Variants in SPIRE2 observed in about 807,000 individuals in gnomAD.
The protein encoded by SPIRE2 is spire type actin nucleation factor 2, also known as protein spire homolog 2.
SPIRE2 carries 76 observed loss-of-function variants against 80.7 expected under a neutral mutation model. That is an observed-to-expected ratio of 0.94 (90% CI 0.78 to 1.14). SPIRE2 has a LOEUF of 1.14. Ranked by LOEUF, SPIRE2 falls within the 50% of genes most tolerant of loss-of-function variation. The pLI is 0.00. For synonymous variants in SPIRE2, 535 were observed against 432.6 expected, an observed-to-expected ratio of 1.24 and a Z score of -2.94; for missense variants, 1,196 against 1,015.3, an observed-to-expected ratio of 1.18 and a Z score of -2.42.
rs759081349 is a variant in SPIRE2 at position 89,854,483 on chromosome 16, C to A, written c.727-4C>A. 1.2e-6 allele frequency: 2 copies of A among 1,611,902 alleles called. No homozygotes were observed. The highest frequency in any genetic ancestry group is 1.7e-6 in the Non-Finnish European group (2 of 1,179,418). On this transcript the variant is annotated splice_polypyrimidine_tract_variant and splice_region_variant and intron_variant, in intron 4 of 14. Coordinates refer to ENST00000378247, the MANE Select transcript of SPIRE2 (RefSeq NM_032451.2). ...GAGACCCATTCTCTTCCCCTGGGGC[C>A]CAGGCCCGACTGTGGGTTCAGCTCA... is the stretch of plus-strand genomic sequence containing the variant.
chr16:89,830,611 A>G (rs2041369957), intron 1 of SPIRE2, among the ~76,000 whole-genome samples: 1 of 151,060 alleles, frequency 6.6e-6, no homozygotes, highest in South Asian at 2.1e-4. Flanking sequence ...CAATAGGAAA[A>G]CATCCAATCT....
chr16:89,853,656 G>T (rs900226705), intron 3 of SPIRE2, among the ~76,000 whole-genome samples: 2 of 152,090 alleles, frequency 1.3e-5, no homozygotes, highest in Admixed American at 6.6e-5. Context: ...CAAAGGGTAG[G>T]TGCTTCTCTA....
At chr16:89,861,333 G>T (rs890536249) in intron 10 of SPIRE2, among the ~76,000 whole-genome samples, 8 of 152,252 alleles carry the variant, frequency 5.3e-5, no homozygotes, top group Non-Finnish European at 1.2e-4. Context: ...GCATGCAGGT[G>T]TTGGAGGGAT....
chr16:89,848,932 G>A (rs367830141), intron 2 of SPIRE2, among the ~76,000 whole-genome samples: 9 of 135,430 alleles, frequency 6.6e-5, no homozygotes, highest in South Asian at 2.3e-4. Context: ...CAGTGTTTCT[G>A]CAGGACAGAC....
intron 1 of SPIRE2, among the ~76,000 whole-genome samples, chr16:89,834,593 T>G (rs1281488134): frequency 3.7e-5 from 4 of 109,278 alleles, no homozygotes; most frequent in South Asian, 3.6e-4. Context: ...GCATAGCCCG[T>G]GTGAATCTGT....
At chr16:89,855,501 C>G (rs536182394) in intron 5 of SPIRE2, 99 bp from the exon 6 acceptor site, 1 of 1,050,872 alleles carries the variant, frequency 9.5e-7, no homozygotes, top group Non-Finnish European at 1.4e-6. Flanking sequence ...CGGGTAGGTG[C>G]GAAGACCAGG....
At chr16:89,859,492 G>A (rs948431414) in intron 9 of SPIRE2, 138 bp downstream of exon 9, 6 of 416,834 alleles carry the variant, frequency 1.4e-5, no homozygotes, top group South Asian at 1.1e-4. Flanking sequence ...CCTGCAAGAC[G>A]GCACCACCTC....
chr16:89,828,515 C>G lies in SPIRE2; in HGVS notation c.-36C>G, dbSNP rs1278059654. ...GGCGGAAGGCGCGGCTGCATGGACG[C>G]GGGTCCGGCGCGCGGGAGGCGATGA... On this transcript the variant is annotated 5_prime_UTR_variant, in exon 1 of 15. Coordinates refer to ENST00000378247, the MANE Select transcript of SPIRE2 (RefSeq NM_032451.2). The surrounding 1 kb of genome is among the most constrained non-coding windows in gnomAD (Gnocchi z 5.9). 11 of 1,025,538 alleles carry G rather than the reference C, an allele frequency of 1.1e-5. No homozygotes were observed. Among genetic ancestry groups the G allele is most frequent in the Non-Finnish European group, 1.3e-5 (11 of 858,052 alleles). The allele number at this position is 1,025,538 out of a possible 1,614,324, so 63.5% of individuals were successfully genotyped here. A position where few individuals can be genotyped will look rare whatever the true frequency, so the allele number is the denominator to read the frequency against.
intron 1 of SPIRE2, among the ~76,000 whole-genome samples, chr16:89,841,899 T>G (rs1179246465): frequency 6.6e-6 from 1 of 151,926 alleles, no homozygotes; most frequent in East Asian, 1.9e-4. Context: ...CGGCTAATTT[T>G]GTATTTTTAG....
In SPIRE2 at chr16:89,842,208, A is replaced by ATTTTTTTTTTTTTTTTTTTTTTT. The variant is rs71137682; in HGVS notation, c.245-3092_245-3091insTTTTTTTTTTTTTTTTTTTTTTT. On this transcript the variant is annotated intron_variant, in intron 1 of 14. Coordinates refer to ENST00000378247, the MANE Select transcript of SPIRE2 (RefSeq NM_032451.2). ...ATACAATTAGATTCATGAACACGTA[A>ATTTTTTTTTTTTTTTTTTTTTTT]TTTTTTTTTTTTTTTTTTTTTTGTG... Among the ~76,000 whole-genome samples the ATTTTTTTTTTTTTTTTTTTTTTT allele has an allele frequency of 2.3e-4, 19 of 81,312 alleles. 4 individuals are homozygous for ATTTTTTTTTTTTTTTTTTTTTTT. The highest frequency in any genetic ancestry group is 1.9e-3 in the East Asian group (3 of 1,568). 53.3% of individuals were successfully genotyped at this position (81,312 alleles called of 152,430 possible).
chr16:89,845,286 T>C, intron 1 of SPIRE2, 36 bp from the exon 2 acceptor site: 6 of 1,609,562 alleles, frequency 3.7e-6, no homozygotes, highest in Non-Finnish European at 5.1e-6. Context: ...GTCCCGGGGA[T>C]GCTGACAAAT....
rs912376749 is a variant in SPIRE2 at position 89,871,207 on chromosome 16, G to C, written c.*935G>C. ...CCACATTCTGGTGCTGTCCTCACTC[G>C]CCCCTGGCCCAGAGGCTCCTGAAGA... On this transcript the variant is annotated 3_prime_UTR_variant, in exon 15 of 15. Transcript: ENST00000378247. 2.6e-5 allele frequency: 4 copies of C among 152,316 alleles called. No individual in the cohort carries two copies. The highest frequency in any genetic ancestry group is 7.2e-5 in the African/African-American group (3 of 41,388). 9.4% of individuals were successfully genotyped at this position (152,316 alleles called of 1,614,324 possible). A position where few individuals can be genotyped will look rare whatever the true frequency, so the allele number is the denominator to read the frequency against.
rs1597224249 is a variant in SPIRE2 at position 89,863,998 on chromosome 16, G to T, written c.1778+137G>T. 1 of 630,878 alleles carries T rather than the reference G, an allele frequency of 1.6e-6. No homozygotes were observed. The highest frequency in any genetic ancestry group is 2.7e-5 in the East Asian group (1 of 36,468). 39.1% of individuals were successfully genotyped at this position (630,878 alleles called of 1,614,324 possible). ...ATGGCTGATGAGTCCACAAGATATGGTTAGTACGAATGAGGAGTTAAATTT... is the reference window on the plus strand; with the variant it reads ...ATGGCTGATGAGTCCACAAGATATGTTTAGTACGAATGAGGAGTTAAATTT... On this transcript the variant is annotated intron_variant, in intron 12 of 14. Transcript: ENST00000378247. This position sits in a 1 kb window ranked among gnomAD's most constrained non-coding sequence, Gnocchi z 4.3.
At chr16:89,867,631 C>A (rs2041801646) in intron 12 of SPIRE2, among the ~76,000 whole-genome samples, 1 of 150,688 alleles carries the variant, frequency 6.6e-6, no homozygotes, top group South Asian at 2.1e-4. Flanking sequence ...GTCCCCCAGG[C>A]TGGAGTGCAG....
intron 1 of SPIRE2, among the ~76,000 whole-genome samples, chr16:89,844,659 C>A (rs1047525842): frequency 6.6e-6 from 1 of 152,074 alleles, no homozygotes; most frequent in Non-Finnish European, 1.5e-5. Flanking sequence ...AGGATGGCCC[C>A]GATCTCCTGA....
At chr16:89,845,514 C>G (rs1218367478) in intron 2 of SPIRE2, 149 bp downstream of exon 2, 2 of 778,814 alleles carry the variant, frequency 2.6e-6, no homozygotes, top group Non-Finnish European at 2.2e-6. Flanking sequence ...GTTGCAGGGA[C>G]TGGATGAAAC....
At chr16:89,864,297 TC>T (rs1178872031) in intron 12 of SPIRE2, among the ~76,000 whole-genome samples, 9 of 151,868 alleles carry the variant, frequency 5.9e-5, no homozygotes, top group Non-Finnish European at 1.3e-4. Flanking sequence ...GCAGCTCGAG[TC>T]CGCCGTGTAG....
In SPIRE2 at chr16:89,831,388, T is replaced by A. The variant is rs1482958391; in HGVS notation, c.244+2594T>A. On this transcript the variant is annotated intron_variant, in intron 1 of 14. Transcript: ENST00000378247. ...TGTCAACTTTGGATGCTAAACTTTTTTTCTTTCTTTCTTTTTTTTTTTTTT... is the reference window on the plus strand; with the variant it reads ...TGTCAACTTTGGATGCTAAACTTTTATTCTTTCTTTCTTTTTTTTTTTTTT... Among the ~76,000 whole-genome samples the A allele has an allele frequency of 2.1e-4, 31 of 148,714 alleles. 1 individual carries two copies. Among genetic ancestry groups the A allele is most frequent in the African/African-American group, 7.6e-4 (31 of 40,876 alleles).
intron 3 of SPIRE2, among the ~76,000 whole-genome samples, chr16:89,851,098 G>A (rs531509874): frequency 5.0e-4 from 76 of 152,282 alleles, no homozygotes; most frequent in African/African-American, 1.7e-3. Flanking sequence ...TGGGATTACA[G>A]GCATGAGCCA....
Sources: gnomAD v4.1 joint callset for allele counts (sites outside exome capture counted in the v4.1 genomes callset) on GRCh38, gnomAD v4.1.1 for gene constraint, Gnocchi (gnomAD v3.1) non-coding constraint, MANE v1.5 for transcripts, NCBI Gene and HGNC (gene_info 2026-07-23, HGNC 2026-07-21) for gene names.